TMEM74: variants seen among roughly 807,000 people sequenced by gnomAD.
TMEM74 encodes transmembrane protein 74.
A neutral mutation model predicts 18.1 loss-of-function variants in TMEM74; 13 were observed. That is an observed-to-expected ratio of 0.72 (90% CI 0.47 to 1.14). TMEM74 has a LOEUF of 1.14. TMEM74 is among the 50% of genes most tolerant of loss of function. The pLI, the probability that TMEM74 is intolerant of heterozygous loss-of-function variation, is 0.00. For missense variants in TMEM74, 372 were observed against 375.9 expected (o/e 0.99, Z 0.09); for synonymous variants, 159 against 146.6 (o/e 1.08, Z -0.61).
chr8:108,707,166 C>G (rs1813423902), intron 1 of TMEM74, among the ~76,000 whole-genome samples: 1 of 135,512 alleles, frequency 7.4e-6, no homozygotes, highest in Non-Finnish European at 1.5e-5. Context: ...CGGGGAACAT[C>G]ACACACCGGG....
chr8:108,717,852 A>AG (rs2130628377), intron 1 of TMEM74, among the ~76,000 whole-genome samples: 1 of 151,354 alleles, frequency 6.6e-6, no homozygotes, highest in African/African-American at 2.4e-5. Flanking sequence ...TGGTTGTATA[A>AG]GACCTTCAGG....
chr8:108,743,587 T>C (rs1408885648), intron 1 of TMEM74, among the ~76,000 whole-genome samples: 1 of 152,120 alleles, frequency 6.6e-6, no homozygotes, highest in Non-Finnish European at 1.5e-5. Flanking sequence ...ATATATAGCT[T>C]TCTTGTTTTT....
chr8:108,620,279 A>G (rs1229069386), intron 2 of TMEM74, among the ~76,000 whole-genome samples: 1 of 152,158 alleles, frequency 6.6e-6, no homozygotes, highest in Non-Finnish European at 1.5e-5. Flanking sequence ...TCATTGAGTA[A>G]AATTTTTTGA....
chr8:108,708,809 C>CAAAAAAAAAA lies in TMEM74; in HGVS notation n.120-53382_120-53373dup, dbSNP rs71564016. Among the ~76,000 whole-genome samples, 40 of 17,924 alleles carry CAAAAAAAAAA rather than the reference C, an allele frequency of 2.2e-3. 2 individuals are homozygous for CAAAAAAAAAA. Among genetic ancestry groups the CAAAAAAAAAA allele is most frequent in the East Asian group, 0.01 (3 of 286 alleles). The allele number at this position is 17,924 out of a possible 152,430, so 11.8% of individuals were successfully genotyped here. ...ACATGAAACTTCTACAACTCAATAG[C>CAAAAAAAAAA]AAAAAAAAAAAAAAAAAAAAAAACC... On this transcript the variant is annotated intron_variant and non_coding_transcript_variant, in intron 1 of 3. Coordinates refer to the TMEM74 transcript ENST00000518838.
intron 1 of TMEM74, among the ~76,000 whole-genome samples, chr8:108,710,415 G>A (rs979071089): frequency 2.6e-5 from 4 of 152,198 alleles, no homozygotes; most frequent in Non-Finnish European, 5.9e-5. Flanking sequence ...GGAACTGCAT[G>A]TGAGTTCTGG....
intron 1 of TMEM74, among the ~76,000 whole-genome samples, chr8:108,689,639 A>C (rs1001816996): frequency 6.6e-6 from 1 of 152,178 alleles, no homozygotes; most frequent in African/African-American, 2.4e-5. Context: ...CTGAGAAAAG[A>C]TATCACTGGA....
intron 1 of TMEM74, among the ~76,000 whole-genome samples, chr8:108,698,798 C>CT (rs547742317): frequency 0.012 from 1,753 of 151,646 alleles, 35 homozygotes; most frequent in African/African-American, 0.041. Flanking sequence ...AATATTACCA[C>CT]TTTTTTTTTC....
At chr8:108,750,089 A>T (rs1226616197) in intron 1 of TMEM74, among the ~76,000 whole-genome samples, 1 of 152,090 alleles carries the variant, frequency 6.6e-6, no homozygotes, top group Non-Finnish European at 1.5e-5. Flanking sequence ...TCAAAATCCT[A>T]AACTGCTCCA....
At chr8:108,753,473 A>C (rs1381211863) in intron 1 of TMEM74, among the ~76,000 whole-genome samples, 1 of 152,114 alleles carries the variant, frequency 6.6e-6, no homozygotes, top group Admixed American at 6.6e-5. Flanking sequence ...TTTCCTAAAA[A>C]ACAAAAAAAG....
intron 1 of TMEM74, among the ~76,000 whole-genome samples, chr8:108,705,423 T>C (rs900671244): frequency 1.3e-5 from 2 of 152,206 alleles, no homozygotes; most frequent in Non-Finnish European, 2.9e-5. Context: ...GGATGGATCT[T>C]GGGCAAGTCA....
intron 1 of TMEM74, among the ~76,000 whole-genome samples, chr8:108,710,919 T>C (rs956283537): frequency 2.0e-5 from 3 of 152,334 alleles, no homozygotes; most frequent in East Asian, 1.9e-4. Flanking sequence ...TCCCATGTTA[T>C]GGCTACATGG....
chr8:108,784,223 T>C lies in TMEM74; in HGVS notation c.876A>G (p.Glu292=). ...MKTSTNENTL[E]LSLVEEDALA... is the part of the protein sequence containing the mutation. ...GCGCATCTTCCTCTACCAAGGACAG[T>C]TCCAGAGTGTTTTCATTCGTGCTGG... Residue 292 remains glutamate, a synonymous_variant, in exon 2 of 2, where the codon GAA becomes GAG. Transcript: ENST00000297459. 6.2e-7 allele frequency: 1 copy of C among 1,614,082 alleles called. No individual in the cohort carries two copies. The highest frequency in any genetic ancestry group is 8.5e-7 in the Non-Finnish European group (1 of 1,179,974).
chr8:108,619,346 A>T (rs1286119967), intron 2 of TMEM74, among the ~76,000 whole-genome samples: 1 of 152,208 alleles, frequency 6.6e-6, no homozygotes, highest in Admixed American at 6.5e-5. Context: ...AAGGCATGAA[A>T]ATGTCCTGCA....
intron 1 of TMEM74, among the ~76,000 whole-genome samples, chr8:108,677,327 C>T (rs1813064211): frequency 6.6e-6 from 1 of 152,072 alleles, no homozygotes; most frequent in Admixed American, 6.6e-5. Flanking sequence ...TGTGTTAATA[C>T]TGACTACAAA....
chr8:108,716,926 T>C (rs931417059), intron 1 of TMEM74, among the ~76,000 whole-genome samples: 39 of 152,052 alleles, frequency 2.6e-4, no homozygotes, highest in African/African-American at 8.4e-4. Flanking sequence ...ATTTCTACCT[T>C]GATAAATTTT....
At chr8:108,752,690 C>A (rs1264797571) in intron 1 of TMEM74, among the ~76,000 whole-genome samples, 1 of 152,110 alleles carries the variant, frequency 6.6e-6, no homozygotes, top group Non-Finnish European at 1.5e-5. Flanking sequence ...ATTTCAAATA[C>A]ATCAGTCTCT....
intron 2 of TMEM74, among the ~76,000 whole-genome samples, chr8:108,643,542 G>C (rs957644994): frequency 4.6e-5 from 7 of 151,526 alleles, no homozygotes; most frequent in African/African-American, 1.7e-4. Flanking sequence ...GAAGCTTTTT[G>C]AACTAAGGGG....
chr8:108,642,049 G>A (rs947018941), intron 2 of TMEM74, among the ~76,000 whole-genome samples: 16 of 152,010 alleles, frequency 1.1e-4, no homozygotes, highest in East Asian at 1.9e-4. Context: ...TCCATGTATC[G>A]TTCAAATGAA....
At chr8:108,657,860 ATATATATATATATAT>A (rs375658403) in intron 1 of TMEM74, among the ~76,000 whole-genome samples, 871 of 45,620 alleles carry the variant, frequency 0.019, 77 homozygotes, top group Middle Eastern at 0.034. Flanking sequence ...AAAAAAAAAA[ATATATATATATATAT>A]ATATATATAT....
Sources: gnomAD v4.1 joint callset for allele counts (sites outside exome capture counted in the v4.1 genomes callset) on GRCh38, gnomAD v4.1.1 for gene constraint, MANE v1.5 for transcripts, NCBI Gene and HGNC (gene_info 2026-07-23, HGNC 2026-07-21) for gene names.